The following RGS6 variants were observed in gnomAD, a reference collection of about 807,000 sequenced individuals.
RGS6 encodes the protein regulator of G-protein signaling 6.
A neutral mutation model predicts 78.5 loss-of-function variants in RGS6; 30 were observed. That is an observed-to-expected ratio of 0.38 (90% CI 0.29 to 0.52). The LOEUF is 0.52. Ranked by LOEUF, RGS6 falls within the 20% of genes least tolerant of loss-of-function variation. The pLI, the probability that RGS6 is intolerant of heterozygous loss-of-function variation, is 0.85. For synonymous variants in RGS6, 206 were observed against 206.0 expected (o/e 1.00, Z 0.00); for missense variants, 495 against 609.7 (o/e 0.81, Z 1.98).
intron 2 of RGS6, among the ~76,000 whole-genome samples, chr14:72,341,248 G>A (rs2076936463): frequency 6.6e-6 from 1 of 152,100 alleles, no homozygotes; most frequent in Non-Finnish European, 1.5e-5. Flanking sequence ...GCAGAAGGAG[G>A]AAAAGAGCAC....
chr14:72,310,119 T>G (rs1419374886), intron 2 of RGS6, among the ~76,000 whole-genome samples: 1 of 152,206 alleles, frequency 6.6e-6, no homozygotes, highest in African/African-American at 2.4e-5. Context: ...CTCCAGCACC[T>G]TCTCCACCCC....
intron 2 of RGS6, among the ~76,000 whole-genome samples, chr14:72,290,287 A>G (rs760718259): frequency 6.6e-6 from 1 of 151,972 alleles, no homozygotes; most frequent in Non-Finnish European, 1.5e-5. Flanking sequence ...CATCCTTCCC[A>G]TTTTCATATC....
chr14:72,146,404 A>G (rs1368307934), intron 2 of RGS6, among the ~76,000 whole-genome samples: 1 of 152,208 alleles, frequency 6.6e-6, no homozygotes, highest in African/African-American at 2.4e-5. Flanking sequence ...CAATTGCTCT[A>G]AAAATCTTAA....
intron 3 of RGS6, among the ~76,000 whole-genome samples, chr14:72,439,686 G>A (rs927557304): frequency 3.3e-5 from 5 of 152,204 alleles, no homozygotes; most frequent in African/African-American, 9.7e-5. Context: ...CTCACGGGCT[G>A]TCACTACAGC....
chr14:72,555,928 C>G (rs891997612), intron 17 of RGS6, among the ~76,000 whole-genome samples: 1 of 152,158 alleles, frequency 6.6e-6, no homozygotes, highest in Non-Finnish European at 1.5e-5. Flanking sequence ...TCCCACCATG[C>G]CACTGTCAAG....
chr14:72,414,722 A>T (rs924360093), intron 3 of RGS6, among the ~76,000 whole-genome samples: 1 of 151,244 alleles, frequency 6.6e-6, no homozygotes, highest in Non-Finnish European at 1.5e-5. Flanking sequence ...GATGATGGTG[A>T]TGTTTTTGGT....
At chr14:72,185,714 G>C (rs533030853) in intron 2 of RGS6, among the ~76,000 whole-genome samples, 1 of 152,298 alleles carries the variant, frequency 6.6e-6, no homozygotes, top group Non-Finnish European at 1.5e-5. Flanking sequence ...GGAGGCTGAG[G>C]TGAGCGGATT....
At chr14:72,218,094 A>G (rs2046008471) in intron 2 of RGS6, among the ~76,000 whole-genome samples, 1 of 152,180 alleles carries the variant, frequency 6.6e-6, no homozygotes, top group African/African-American at 2.4e-5. Context: ...AAGATATTCA[A>G]GCGTGTCCCA....
chr14:72,031,931 T>C (rs1427259988), intron 2 of RGS6, among the ~76,000 whole-genome samples: 1 of 152,226 alleles, frequency 6.6e-6, no homozygotes, highest in Non-Finnish European at 1.5e-5. Context: ...GCAGTGCCAA[T>C]AGTTTATTAA....
the RGS6 span, among the ~76,000 whole-genome samples, chr14:72,586,409 T>A: frequency 1.3e-5 from 2 of 152,154 alleles, no homozygotes; most frequent in African/African-American, 4.8e-5. Context: ...TCGTGCTTCC[T>A]CTCCTTCCCC....
intron 2 of RGS6, among the ~76,000 whole-genome samples, chr14:72,255,597 G>A (rs2056903773): frequency 6.6e-6 from 1 of 152,176 alleles, no homozygotes; most frequent in African/African-American, 2.4e-5. Flanking sequence ...CCTCAGTCCT[G>A]TGGATACCTC....
intron 17 of RGS6, chr14:72,540,897 A>G (rs1462966885): frequency 1.0e-6 from 1 of 985,310 alleles, no homozygotes; most frequent in Non-Finnish European, 1.2e-6. Flanking sequence ...CAGCCGTGGC[A>G]ACAGGTGGGA....
At chr14:71,922,613 T>G in the RGS6 span, among the ~76,000 whole-genome samples, 3 of 152,252 alleles carry the variant, frequency 2.0e-5, no homozygotes, top group Non-Finnish European at 4.4e-5. Flanking sequence ...AGATTTCATT[T>G]AGATATTACT....
chr14:72,418,171 C>CT (rs759624780), intron 3 of RGS6, among the ~76,000 whole-genome samples: 5,273 of 146,296 alleles, frequency 0.036, 104 homozygotes, highest in Non-Finnish European at 0.05. Context: ...TCAAAATAAA[C>CT]TTTTTTTTTT....
At chr14:72,101,298 T>C (rs2095522851) in intron 2 of RGS6, among the ~76,000 whole-genome samples, 1 of 152,228 alleles carries the variant, frequency 6.6e-6, no homozygotes, top group South Asian at 2.1e-4. Context: ...GATGTTCTTT[T>C]ACTCATCCAT....
At chr14:72,585,494 C>G in the RGS6 span, among the ~76,000 whole-genome samples, 1 of 152,312 alleles carries the variant, frequency 6.6e-6, no homozygotes, top group African/African-American at 2.4e-5. Flanking sequence ...CAACCAAGGC[C>G]TCATCCAAGC....
At chr14:71,919,377 C>T in the RGS6 span, among the ~76,000 whole-genome samples, 2 of 152,088 alleles carry the variant, frequency 1.3e-5, no homozygotes, top group Non-Finnish European at 2.9e-5. Flanking sequence ...TATTTAGCTC[C>T]CAGTGACGGC....
the RGS6 span, among the ~76,000 whole-genome samples, chr14:72,580,312 C>T: frequency 2.8e-5 from 4 of 145,336 alleles, no homozygotes; most frequent in East Asian, 8.4e-4. Context: ...AAATGTCCCC[C>T]CCACCCCGAC....
At chr14:72,423,830 A>C (rs1566810980) in intron 3 of RGS6, among the ~76,000 whole-genome samples, 1 of 152,052 alleles carries the variant, frequency 6.6e-6, no homozygotes, top group South Asian at 2.1e-4. Flanking sequence ...AATAAAAGTC[A>C]AAACAAAATA....
Sources: gnomAD v4.1 joint callset for allele counts (sites outside exome capture counted in the v4.1 genomes callset) on GRCh38, gnomAD v4.1.1 for gene constraint, MANE v1.5 for transcripts, NCBI Gene and HGNC (gene_info 2026-07-23, HGNC 2026-07-21) for gene names.